The following JMJD1C variants were observed in gnomAD, a reference collection of about 807,000 sequenced individuals.
The protein encoded by JMJD1C is jumonji domain-containing protein 1C.
A neutral mutation model predicts 245.3 loss-of-function variants in JMJD1C; 31 were observed. The observed-to-expected ratio is 0.13, with a 90% CI of 0.09 to 0.17. The LOEUF is 0.17. Among genes scored for constraint, JMJD1C ranks in the 10% least tolerant of loss-of-function variants. The pLI, the probability that JMJD1C is intolerant of heterozygous loss-of-function variation, is 1.00. For missense variants in JMJD1C, 2,691 were observed against 3,000.2 expected, an observed-to-expected ratio of 0.90 and a Z score of 2.41; for synonymous variants, 1,057 against 1,017.4, an observed-to-expected ratio of 1.04 and a Z score of -0.74.
intron 1 of JMJD1C, among the ~76,000 whole-genome samples, chr10:63,454,073 C>A (rs1227058685): frequency 2.6e-5 from 4 of 152,048 alleles, no homozygotes; most frequent in African/African-American, 9.7e-5. Flanking sequence ...CAGAAAATTA[C>A]ATGTTTTAAT....
chr10:63,396,058 A>T (rs1050300888), intron 1 of JMJD1C, among the ~76,000 whole-genome samples: 81 of 151,936 alleles, frequency 5.3e-4, no homozygotes, highest in African/African-American at 1.9e-3. Context: ...TTTTAAAAGT[A>T]AGTAAATTTT....
chr10:63,447,582 T>C (rs1951790499), intron 1 of JMJD1C, among the ~76,000 whole-genome samples: 1 of 152,182 alleles, frequency 6.6e-6, no homozygotes, highest in South Asian at 2.1e-4. Flanking sequence ...ACATGAATCA[T>C]AATATTCCAA....
chr10:63,203,411 A>G, intron 10 of JMJD1C: 2 of 985,410 alleles, frequency 2.0e-6, no homozygotes, highest in Non-Finnish European at 1.2e-6. Context: ...CTGCTCTAAC[A>G]GAAAACTGGG....
At chr10:63,445,861 AATT>A (rs1951683549) in intron 1 of JMJD1C, among the ~76,000 whole-genome samples, 2 of 100,040 alleles carry the variant, frequency 2.0e-5, no homozygotes, top group Admixed American at 1.0e-4. Flanking sequence ...CTGGGATCTG[AATT>A]TTTTTTTTTT....
chr10:63,204,665 T>C (rs1846391507), intron 10 of JMJD1C: 1 of 985,368 alleles, frequency 1.0e-6, no homozygotes, highest in Non-Finnish European at 1.2e-6. Flanking sequence ...CTGTATATAA[T>C]CCAATATTCA....
intron 8 of JMJD1C, among the ~76,000 whole-genome samples, 167 bp downstream of exon 8, chr10:63,213,306 G>A (rs879819069): frequency 6.6e-6 from 1 of 151,686 alleles, no homozygotes; most frequent in Non-Finnish European, 1.5e-5. Flanking sequence ...CTTTTCTGAC[G>A]TTTCAGCTCC....
chr10:63,189,579 C>T (rs1409784923), intron 17 of JMJD1C, 133 bp from the exon 18 acceptor site: 2 of 762,042 alleles, frequency 2.6e-6, no homozygotes, highest in Non-Finnish European at 4.1e-6. Context: ...GATTTGAGTT[C>T]CTATATTCCT....
intron 1 of JMJD1C, among the ~76,000 whole-genome samples, chr10:63,503,777 T>C (rs956481813): frequency 6.6e-6 from 1 of 152,260 alleles, no homozygotes; most frequent in African/African-American, 2.4e-5. Context: ...TCCTGGATAC[T>C]TGTTGATTAA....
At chr10:63,458,959 T>G (rs1369384276) in intron 1 of JMJD1C, among the ~76,000 whole-genome samples, 1 of 152,286 alleles carries the variant, frequency 6.6e-6, no homozygotes, top group East Asian at 1.9e-4. Context: ...TGAGCTCAAG[T>G]GATCTCCCTG....
chr10:63,397,679 T>G (rs77561152), intron 1 of JMJD1C, among the ~76,000 whole-genome samples: 2,026 of 150,356 alleles, frequency 0.013, 32 homozygotes, highest in African/African-American at 0.035. Flanking sequence ...GATACAGTCA[T>G]GTGCCACCAC....
At position 63,346,477 on chromosome 10, in the gene JMJD1C, A is replaced by G. The variant is rs867725359; in HGVS notation, c.333+33841T>C. Among the ~76,000 whole-genome samples, 45 of 152,328 alleles carry G rather than the reference A, an allele frequency of 3.0e-4. 1 individual carries two copies. The Middle Eastern group carries it at 0.017, about 58-fold the overall frequency. ...CACTTAGCAATATGCTTCTGTAACA[A>G]TAGCTAAATCTCAGCCAACCACAGC... On this transcript the variant is annotated intron_variant, in intron 2 of 25. Coordinates refer to ENST00000399262, the MANE Select transcript of JMJD1C (RefSeq NM_032776.3).
intron 3 of JMJD1C, among the ~76,000 whole-genome samples, chr10:63,263,933 GA>G (rs1225176795): frequency 0.012 from 748 of 62,720 alleles, 5 homozygotes; most frequent in African/African-American, 0.017. Flanking sequence ...CTCCATCACG[GA>G]AAAAAAAAAA....
intron 2 of JMJD1C, among the ~76,000 whole-genome samples, chr10:63,297,733 C>G (rs1341427918): frequency 6.6e-6 from 1 of 152,168 alleles, no homozygotes; most frequent in African/African-American, 2.4e-5. Flanking sequence ...GCAACAGGGC[C>G]GGGCCAGCCC....
intron 1 of JMJD1C, among the ~76,000 whole-genome samples, chr10:63,428,992 G>T (rs1950597323): frequency 1.3e-5 from 2 of 152,030 alleles, no homozygotes; most frequent in African/African-American, 4.8e-5. Context: ...TTTGGTGGGG[G>T]GGAGGGGCAC....
chr10:63,286,868 G>A (rs1858043665), intron 2 of JMJD1C, among the ~76,000 whole-genome samples: 1 of 152,136 alleles, frequency 6.6e-6, no homozygotes, highest in Non-Finnish European at 1.5e-5. Context: ...CTCAAAAGTA[G>A]TTTCTTCTTG....
chr10:63,514,629 G>T (rs1384409090), intron 1 of JMJD1C, among the ~76,000 whole-genome samples: 1 of 152,014 alleles, frequency 6.6e-6, no homozygotes, highest in East Asian at 1.9e-4. Flanking sequence ...GACTACTAGA[G>T]GAGGGAGGGA....
chr10:63,330,318 A>G (rs538648480), intron 2 of JMJD1C, among the ~76,000 whole-genome samples: 81 of 152,358 alleles, frequency 5.3e-4, no homozygotes, highest in Middle Eastern at 6.8e-3. Flanking sequence ...AGAATTTAAC[A>G]TAAGTCAAAG....
At chr10:63,278,446 C>G (rs1238790929) in intron 2 of JMJD1C, among the ~76,000 whole-genome samples, 1 of 151,322 alleles carries the variant, frequency 6.6e-6, no homozygotes, top group African/African-American at 2.4e-5. Flanking sequence ...ATCGCTTGAA[C>G]CCAGGAGGCA....
intron 3 of JMJD1C, among the ~76,000 whole-genome samples, chr10:63,230,698 C>G (rs940803940): frequency 6.6e-6 from 1 of 151,724 alleles, no homozygotes; most frequent in Non-Finnish European, 1.5e-5. Flanking sequence ...TCACTTGAAC[C>G]CAGCAAGCAG....
Sources: allele counts gnomAD v4.1 joint callset (sites outside exome capture counted in the v4.1 genomes callset), GRCh38; gene constraint gnomAD v4.1.1; transcripts MANE v1.5; gene names NCBI Gene and HGNC (gene_info 2026-07-23, HGNC 2026-07-21).